Variants in CDH23 observed in about 807,000 individuals in gnomAD.
CDH23 encodes the protein cadherin related 23, also known as cadherin-23.
In CDH23, 189 loss-of-function variants were observed where a neutral mutation model predicts 317.1. The observed-to-expected ratio is 0.60, with a 90% CI of 0.53 to 0.67. The LOEUF (loss-of-function observed/expected upper bound fraction) is 0.67, where lower values mean the gene tolerates loss of function less well. CDH23 is among the 30% of genes least tolerant of loss of function. CDH23 has a pLI of 0.00. For missense variants in CDH23, 4,401 were observed against 4,592.4 expected (o/e 0.96, Z 1.20); for synonymous variants, 1,839 against 1,876.8 (o/e 0.98, Z 0.52).
Position 71,704,845 on chromosome 10 carries a change from C to A in CDH23, c.2734-66C>A, listed in dbSNP as rs1865717418. On this transcript the variant is annotated intron_variant, in intron 24 of 69. Transcript: ENST00000224721. ...GGCTTGGCAGGGAGGAGGAGCACTTCTTGGGGGAGAAGCATCCATCCCAGT... is the reference window on the plus strand; with the variant it reads ...GGCTTGGCAGGGAGGAGGAGCACTTATTGGGGGAGAAGCATCCATCCCAGT... 3.1e-6 allele frequency: 4 copies of A among 1,284,368 alleles called. No homozygotes were observed. The South Asian group carries it at 3.6e-5, about 12-fold the overall frequency. The allele number at this position is 1,284,368 out of a possible 1,614,324, so 79.6% of individuals were successfully genotyped here.
At chr10:71,689,061 G>C in intron 19 of CDH23, among the ~76,000 whole-genome samples, 1 of 136,482 alleles carries the variant, frequency 7.3e-6, no homozygotes, top group Non-Finnish European at 1.7e-5. Context: ...GGATGGTGGA[G>C]CCAGGGGTGG....
intron 14 of CDH23, chr10:71,647,092 A>G: frequency 1.0e-6 from 1 of 985,278 alleles, no homozygotes; most frequent in South Asian, 4.7e-5. Flanking sequence ...TGTATCTGTC[A>G]GTACTCTTGG....
At chr10:71,405,984 G>C (rs1848077681) in intron 1 of CDH23, among the ~76,000 whole-genome samples, 1 of 151,338 alleles carries the variant, frequency 6.6e-6, no homozygotes, top group Non-Finnish European at 1.5e-5. Flanking sequence ...AAATTTTCTA[G>C]TGTCCACTTG....
chr10:71,625,167 C>T (rs1032517486), intron 11 of CDH23, among the ~76,000 whole-genome samples: 8 of 151,746 alleles, frequency 5.3e-5, no homozygotes, highest in Non-Finnish European at 1.0e-4. Context: ...GCTTGGGACC[C>T]GAGGGTTGAG....
intron 11 of CDH23, among the ~76,000 whole-genome samples, chr10:71,642,599 C>T (rs1167412426): frequency 6.6e-6 from 1 of 151,994 alleles, no homozygotes. Flanking sequence ...GGGGTTTCAC[C>T]ATGTTGGCCA....
At chr10:71,577,195 A>G (rs1231388425) in intron 8 of CDH23, among the ~76,000 whole-genome samples, 1 of 152,138 alleles carries the variant, frequency 6.6e-6, no homozygotes, top group African/African-American at 2.4e-5. Context: ...ACTTCATGCC[A>G]TAGGCTGTGC....
chr10:71,572,461 G>A (rs1182088732), intron 8 of CDH23, among the ~76,000 whole-genome samples: 2 of 152,224 alleles, frequency 1.3e-5, no homozygotes, highest in Non-Finnish European at 2.9e-5. Context: ...AGGACTGGAA[G>A]CGTGCAGTTC....
intron 3 of CDH23, among the ~76,000 whole-genome samples, chr10:71,479,515 C>G (rs1230643581): frequency 2.6e-5 from 4 of 152,172 alleles, no homozygotes; most frequent in Non-Finnish European, 5.9e-5. Context: ...ACACAACAGG[C>G]TCTCTTGAGC....
In CDH23 at chr10:71,702,193, G is replaced by T. The variant is rs751682379; in HGVS notation, c.2569G>T (p.Val857Phe). The T allele has an allele frequency of 6.2e-7, 1 of 1,613,732 alleles. No individual in the cohort carries two copies. The highest frequency in any genetic ancestry group is 2.2e-5 in the East Asian group (1 of 44,868). Residue 857 changes from valine to phenylalanine, a missense_variant, in exon 23 of 70, where the codon GTC becomes TTC. Physicochemically the swap from Val to Phe is conservative, Grantham distance 50. This residue lies in a region of CDH23 where 3,068 missense variants were observed against 3,203.3 expected (regional missense o/e 0.96). Transcript: ENST00000224721. Reference protein sequence around the residue: ...PHEAELMRKIVVSVTDCGRPP... With the variant: ...PHEAELMRKIFVSVTDCGRPP... ...TGAGGCCGAGCTGATGCGCAAAATC[G>T]TCGTCTCTGTTACTGACTGTATGGA...
chr10:71,420,301 C>G (rs937844585), intron 1 of CDH23, among the ~76,000 whole-genome samples: 3 of 151,690 alleles, frequency 2.0e-5, no homozygotes, highest in Non-Finnish European at 4.4e-5. Context: ...TCTCCCACCT[C>G]TCTCCTCCAG....
intron 6 of CDH23, among the ~76,000 whole-genome samples, chr10:71,538,093 C>T (rs1488835572): frequency 6.6e-6 from 1 of 152,322 alleles, no homozygotes; most frequent in South Asian, 2.1e-4. Flanking sequence ...ATATGTACAG[C>T]AAGGCCAGGA....
In CDH23 at chr10:71,579,304, G is replaced by T. The variant is rs536421654; in HGVS notation, c.832+1312G>T. 1.1e-3 allele frequency among the ~76,000 whole-genome samples: 169 copies of T among 152,174 alleles called. 1 individual carries two copies. The highest frequency in any genetic ancestry group is 1.6e-3 in the Non-Finnish European group (112 of 67,996). ...CTATTGTTGCACCTCTAAGCCCAGG[G>T]AACCCCAGGACCCAGAGCAACTCCC... On this transcript the variant is annotated intron_variant, in intron 9 of 69. Transcript: ENST00000224721.
chr10:71,577,617 G>A (rs1168908242), intron 8 of CDH23, among the ~76,000 whole-genome samples: 5 of 152,182 alleles, frequency 3.3e-5, no homozygotes, highest in Non-Finnish European at 7.3e-5. Flanking sequence ...TTGTCTCTTC[G>A]CTGGATGCCC....
chr10:71,766,510 T>C (rs1312711797), intron 38 of CDH23, among the ~76,000 whole-genome samples: 1 of 152,182 alleles, frequency 6.6e-6, no homozygotes, highest in African/African-American at 2.4e-5. Flanking sequence ...TGTGCCCTCA[T>C]TGTGTGCCCT....
chr10:71,782,399 T>G (rs2132934787), intron 41 of CDH23, among the ~76,000 whole-genome samples: 1 of 152,310 alleles, frequency 6.6e-6, no homozygotes, highest in East Asian at 1.9e-4. Flanking sequence ...GTGGCATCTC[T>G]CTATTAGCCC....
At chr10:71,424,523 G>C (rs1026372600) in intron 1 of CDH23, among the ~76,000 whole-genome samples, 1 of 152,128 alleles carries the variant, frequency 6.6e-6, no homozygotes, top group Non-Finnish European at 1.5e-5. Context: ...CTGTCTCCTC[G>C]ATACCCCCAC....
chr10:71,762,176 G>T, intron 38 of CDH23: 1 of 939,848 alleles, frequency 1.1e-6, no homozygotes, highest in Non-Finnish European at 1.5e-6. Flanking sequence ...TTCTGCATTT[G>T]TTCACAAACC....
At chr10:71,776,776 T>C (rs1173454791) in intron 38 of CDH23, among the ~76,000 whole-genome samples, 1 of 151,510 alleles carries the variant, frequency 6.6e-6, no homozygotes, top group Non-Finnish European at 1.5e-5. Context: ...ATGGAGGGAG[T>C]GTGGAAGAAA....
intron 3 of CDH23, among the ~76,000 whole-genome samples, chr10:71,504,484 C>T (rs866020563): frequency 2.6e-5 from 4 of 152,342 alleles, no homozygotes; most frequent in South Asian, 4.1e-4. Context: ...ATCGCTTCCC[C>T]CTTCTTGGCT....
Sources: allele counts gnomAD v4.1 joint callset (sites outside exome capture counted in the v4.1 genomes callset), GRCh38; gene constraint gnomAD v4.1.1; regional missense constraint gnomAD v4.1.1; transcripts MANE v1.5; gene names NCBI Gene and HGNC (gene_info 2026-07-23, HGNC 2026-07-21).